Variants in TAFA2 observed in about 807,000 individuals in gnomAD.
TAFA2 encodes the protein chemokine-like protein TAFA-2.
In TAFA2, 7 loss-of-function variants were observed where a neutral mutation model predicts 18.8. The ratio of observed to expected loss-of-function variants is 0.37; its 90% CI spans 0.21 to 0.70. The LOEUF (loss-of-function observed/expected upper bound fraction) is 0.70, where lower values mean the gene tolerates loss of function less well. Among genes scored for constraint, TAFA2 ranks in the 30% least tolerant of loss-of-function variants. The pLI, the probability that TAFA2 is intolerant of heterozygous loss-of-function variation, is 0.53. For missense variants in TAFA2, 122 were observed against 158.1 expected, an observed-to-expected ratio of 0.77 and a Z score of 1.23; for synonymous variants, 60 against 54.2, an observed-to-expected ratio of 1.11 and a Z score of -0.47.
intron 1 of TAFA2, among the ~76,000 whole-genome samples, chr12:61,883,102 G>A (rs2121277208): frequency 6.6e-6 from 1 of 152,212 alleles, no homozygotes; most frequent in South Asian, 2.1e-4. Context: ...GTCCCTGCCT[G>A]CACACATGGA....
At chr12:61,934,206 G>A (rs1409736307) in intron 1 of TAFA2, among the ~76,000 whole-genome samples, 4 of 152,170 alleles carry the variant, frequency 2.6e-5, no homozygotes, top group African/African-American at 9.7e-5. Context: ...AAGACTGTCA[G>A]ATAAATACTG....
At chr12:61,985,978 C>G (rs1057130659) in intron 1 of TAFA2, among the ~76,000 whole-genome samples, 1 of 152,178 alleles carries the variant, frequency 6.6e-6, no homozygotes, top group African/African-American at 2.4e-5. Context: ...GCTACCTCAG[C>G]CCACAACCAT....
intron 1 of TAFA2, among the ~76,000 whole-genome samples, chr12:62,161,262 A>G (rs1439192047): frequency 1.3e-5 from 2 of 152,244 alleles, no homozygotes; most frequent in African/African-American, 4.8e-5. Context: ...ACTCATTTTT[A>G]TCACATCACT....
chr12:62,132,734 TCAGATGCCAGATCACCCTCCC>T (rs1177321450), intron 1 of TAFA2, among the ~76,000 whole-genome samples: 2 of 151,926 alleles, frequency 1.3e-5, no homozygotes, highest in African/African-American at 4.8e-5. Context: ...CACAGATAAT[TCAGATGCCAGATCACCCTCCC>T]ATCTGTGATA....
chr12:61,985,024 T>A (rs1370514522), intron 1 of TAFA2, among the ~76,000 whole-genome samples: 1 of 152,134 alleles, frequency 6.6e-6, no homozygotes. Context: ...AGAATTTAAT[T>A]GAGAGAGGGG....
intron 2 of TAFA2, among the ~76,000 whole-genome samples, chr12:61,842,370 T>C (rs1286919356): frequency 1.3e-5 from 2 of 151,910 alleles, no homozygotes; most frequent in Non-Finnish European, 1.5e-5. Flanking sequence ...GATCAGCATG[T>C]TTTTTTATTT....
At chr12:61,925,223 G>T (rs1877236031) in intron 1 of TAFA2, among the ~76,000 whole-genome samples, 1 of 152,136 alleles carries the variant, frequency 6.6e-6, no homozygotes, top group East Asian at 1.9e-4. Flanking sequence ...ACTCAGCTCT[G>T]GACCAAGCAG....
chr12:61,913,691 T>G (rs1329004856), intron 1 of TAFA2, among the ~76,000 whole-genome samples: 1 of 152,174 alleles, frequency 6.6e-6, no homozygotes, highest in Non-Finnish European at 1.5e-5. Context: ...TCTTGGTAAT[T>G]TAATTACTGA....
chr12:62,106,708 C>T (rs1869471592), intron 1 of TAFA2, among the ~76,000 whole-genome samples: 1 of 152,172 alleles, frequency 6.6e-6, no homozygotes, highest in Admixed American at 6.5e-5. Flanking sequence ...AAAAGAGAAG[C>T]TGTTTCTCCA....
At chr12:62,152,306 A>G (rs1170958227) in intron 1 of TAFA2, among the ~76,000 whole-genome samples, 2 of 152,242 alleles carry the variant, frequency 1.3e-5, no homozygotes, top group Non-Finnish European at 2.9e-5. Context: ...AGTTTCTTAC[A>G]CAGATAAAAC....
intron 4 of TAFA2, among the ~76,000 whole-genome samples, chr12:61,727,762 G>A (rs1234091202): frequency 1.3e-5 from 2 of 151,204 alleles, no homozygotes; most frequent in Admixed American, 1.3e-4. Flanking sequence ...GTATGGGTTT[G>A]GTTTGTTCTT....
intron 1 of TAFA2, among the ~76,000 whole-genome samples, chr12:61,925,090 C>G (rs1041367177): frequency 6.6e-6 from 1 of 151,830 alleles, no homozygotes; most frequent in Non-Finnish European, 1.5e-5. Flanking sequence ...CAAAAAGCAA[C>G]CTTTAGACAC....
At chr12:61,875,684 C>T (rs548303359) in intron 1 of TAFA2, among the ~76,000 whole-genome samples, 1 of 152,224 alleles carries the variant, frequency 6.6e-6, no homozygotes, top group East Asian at 1.9e-4. Flanking sequence ...GAGATCTAGA[C>T]AACACTAAAC....
Position 61,879,863 on chromosome 12 carries a change from G to A in TAFA2, c.-1-12437C>T. 14 of 977,664 alleles carry A rather than the reference G, an allele frequency of 1.4e-5. 1 individual carries two copies. In the South Asian group the frequency reaches 1.8e-4, roughly 12 times the overall value. 60.6% of individuals were successfully genotyped at this position (977,664 alleles called of 1,614,324 possible). On this transcript the variant is annotated intron_variant, in intron 1 of 4. Transcript: ENST00000416284. The stretch of plus-strand genomic sequence containing the variant: ...GGAGGACTTCAAGAAGAAGTACCAT[G>A]ATGAGATCAATAAGCATACAGAGAT...
In TAFA2 at chr12:62,225,042, T is replaced by C. The variant is rs1268476088; in HGVS notation, c.-130+33721A>G. Among the ~76,000 whole-genome samples, 4 of 151,842 alleles carry C rather than the reference T, an allele frequency of 2.6e-5. No homozygotes were observed. In the East Asian group the frequency reaches 7.7e-4, roughly 29 times the overall value. Reference sequence around the variant, plus strand: ...CCAGGAGGCGGAGGTTACAGTGAGCTGAGATCACACCACTGCACTCCAGCC... The same window carrying C: ...CCAGGAGGCGGAGGTTACAGTGAGCCGAGATCACACCACTGCACTCCAGCC... On this transcript the variant is annotated intron_variant, in intron 1 of 5. Coordinates refer to the TAFA2 transcript ENST00000551619.
intron 1 of TAFA2, among the ~76,000 whole-genome samples, chr12:61,918,479 T>A (rs1393401281): frequency 2.6e-5 from 4 of 152,168 alleles, no homozygotes; most frequent in African/African-American, 9.7e-5. Flanking sequence ...TTGTTGCAAA[T>A]GACAGGATCT....
intron 1 of TAFA2, among the ~76,000 whole-genome samples, chr12:62,257,685 A>G (rs1042379522): frequency 7.2e-5 from 11 of 152,204 alleles, no homozygotes; most frequent in African/African-American, 2.4e-4. Flanking sequence ...TGAGAAGGCA[A>G]TAACAATCAC....
At chr12:61,918,075 T>C (rs568533514) in intron 1 of TAFA2, among the ~76,000 whole-genome samples, 2 of 152,258 alleles carry the variant, frequency 1.3e-5, no homozygotes, top group South Asian at 4.1e-4. Flanking sequence ...ACATGACATA[T>C]TTTGATACAG....
At chr12:62,060,832 A>G (rs991212855) in intron 1 of TAFA2, among the ~76,000 whole-genome samples, 2 of 152,156 alleles carry the variant, frequency 1.3e-5, no homozygotes, top group African/African-American at 4.8e-5. Flanking sequence ...AAATGTATTT[A>G]AAATTTTAAA....
Sources: gnomAD v4.1 joint callset for allele counts (sites outside exome capture counted in the v4.1 genomes callset) on GRCh38, gnomAD v4.1.1 for gene constraint, MANE v1.5 for transcripts, NCBI Gene and HGNC (gene_info 2026-07-23, HGNC 2026-07-21) for gene names.